The following FMN1 variants were observed in gnomAD, a reference collection of about 807,000 sequenced individuals.
FMN1 encodes formin-1.
A neutral mutation model predicts 132.4 loss-of-function variants in FMN1; 110 were observed. The observed-to-expected ratio is 0.83, with a 90% CI of 0.71 to 0.97. The LOEUF is 0.97. Ranked by LOEUF, FMN1 falls within the 50% of genes least tolerant of loss-of-function variation. The pLI is 0.00. For synonymous variants in FMN1, 722 were observed against 651.7 expected (o/e 1.11, Z -1.64); for missense variants, 1,792 against 1,705.3 (o/e 1.05, Z -0.90).
intron 7 of FMN1, among the ~76,000 whole-genome samples, chr15:33,006,701 T>TA (rs2034436318): frequency 6.6e-6 from 1 of 152,266 alleles, no homozygotes; most frequent in Admixed American, 6.5e-5. Context: ...TGGAATACTC[T>TA]AGTCTTTAAA....
chr15:32,965,480 G>T (rs1167812084), intron 8 of FMN1, among the ~76,000 whole-genome samples: 1 of 152,146 alleles, frequency 6.6e-6, no homozygotes, highest in Non-Finnish European at 1.5e-5. Flanking sequence ...ATAGGTATAT[G>T]TTACAATCCA....
chr15:32,847,213 G>C (rs2058876891), intron 17 of FMN1, among the ~76,000 whole-genome samples: 1 of 152,054 alleles, frequency 6.6e-6, no homozygotes, highest in Non-Finnish European at 1.5e-5. Flanking sequence ...TTAAGGTATA[G>C]TCCCCTGTTC....
At chr15:32,841,047 G>A (rs559072170) in intron 17 of FMN1, among the ~76,000 whole-genome samples, 20 of 152,332 alleles carry the variant, frequency 1.3e-4, no homozygotes, top group South Asian at 6.2e-4. Flanking sequence ...TATCCAGCCA[G>A]TGGTTTTCTT....
At chr15:33,126,719 G>T (rs577886889) in intron 4 of FMN1, among the ~76,000 whole-genome samples, 1 of 152,160 alleles carries the variant, frequency 6.6e-6, no homozygotes, top group East Asian at 1.9e-4. Context: ...AGCAATCTAC[G>T]CTACAGGCAG....
intron 16 of FMN1, among the ~76,000 whole-genome samples, chr15:32,864,302 C>T (rs1396300120): frequency 1.3e-5 from 2 of 152,084 alleles, no homozygotes; most frequent in Admixed American, 6.6e-5. Context: ...CTGGAAATCA[C>T]AGGGTGAGGA....
At chr15:33,108,448 T>C (rs867297924) in intron 4 of FMN1, among the ~76,000 whole-genome samples, 8 of 152,166 alleles carry the variant, frequency 5.3e-5, no homozygotes, top group Non-Finnish European at 8.8e-5. Flanking sequence ...ATTATTTTAC[T>C]CTCCTTGCCC....
At chr15:32,995,419 A>T (rs886192480) in intron 7 of FMN1, among the ~76,000 whole-genome samples, 1 of 152,202 alleles carries the variant, frequency 6.6e-6, no homozygotes, top group African/African-American at 2.4e-5. Flanking sequence ...TTAGGTCCTC[A>T]GTGTAAGCTG....
intron 16 of FMN1, among the ~76,000 whole-genome samples, chr15:32,863,423 G>A (rs796721284): frequency 4.6e-5 from 7 of 152,198 alleles, no homozygotes; most frequent in African/African-American, 1.7e-4. Flanking sequence ...GACAGAGCGA[G>A]ACTCCATCTC....
intron 17 of FMN1, among the ~76,000 whole-genome samples, chr15:32,820,543 C>T (rs371062617): frequency 1.8e-4 from 27 of 152,290 alleles, no homozygotes; most frequent in African/African-American, 6.3e-4. Flanking sequence ...TTATCTTCTA[C>T]AACTCAAGTA....
rs576623451 is a variant in FMN1 at position 32,774,094 on chromosome 15, T to C, written c.*216A>G. On this transcript the variant is annotated 3_prime_UTR_variant, in exon 21 of 21. Coordinates refer to ENST00000616417, the MANE Select transcript of FMN1 (RefSeq NM_001277313.2). ...AAACAGTCATCAAATATTTCTGCAATGTTCCCTTAAATAGTTTTCCATTGT... is the reference window on the plus strand; with the variant it reads ...AAACAGTCATCAAATATTTCTGCAACGTTCCCTTAAATAGTTTTCCATTGT... The C allele has an allele frequency of 1.8e-4, 100 of 548,178 alleles. No individual in the cohort carries two copies. Among genetic ancestry groups the C allele is most frequent in the African/African-American group, 1.7e-3 (85 of 49,942 alleles). 34.0% of individuals were successfully genotyped at this position (548,178 alleles called of 1,614,324 possible).
rs546646994 is a variant in FMN1, at chr15:33,075,861, G to A, written c.2044-10787C>T. Among the ~76,000 whole-genome samples, 5 of 152,196 alleles carry A rather than the reference G, an allele frequency of 3.3e-5. No homozygotes were observed. In the East Asian group the frequency reaches 9.7e-4, roughly 29 times the overall value. ...CCATTTTATTTATTCATTTATTTTT[G>A]GTTTGGGGTCAATTCATTAGACTTC... On this transcript the variant is annotated intron_variant, in intron 5 of 20. Transcript: ENST00000616417.
chr15:32,795,952 T>C (rs900303728), intron 19 of FMN1, among the ~76,000 whole-genome samples: 1 of 152,230 alleles, frequency 6.6e-6, no homozygotes, highest in African/African-American at 2.4e-5. Context: ...TGAAATATTG[T>C]TCCTTCTGCC....
intron 6 of FMN1, among the ~76,000 whole-genome samples, chr15:33,027,512 A>T (rs1233234354): frequency 6.6e-6 from 1 of 152,226 alleles, no homozygotes; most frequent in Admixed American, 6.5e-5. Flanking sequence ...ACACAGGTGG[A>T]AACAGAGCCA....
chr15:33,121,167 C>CT (rs1483446421), intron 4 of FMN1, among the ~76,000 whole-genome samples: 1 of 151,822 alleles, frequency 6.6e-6, no homozygotes, highest in African/African-American at 2.4e-5. Flanking sequence ...GGACTTAGAT[C>CT]AACAACAACA....
intron 7 of FMN1, among the ~76,000 whole-genome samples, chr15:32,976,123 A>G (rs1346739372): frequency 2.0e-5 from 3 of 152,170 alleles, no homozygotes; most frequent in South Asian, 2.1e-4. Context: ...GCCAGGGCCA[A>G]TAAAAAATCA....
chr15:33,017,597 G>A (rs1003276716), intron 6 of FMN1, among the ~76,000 whole-genome samples: 1 of 152,146 alleles, frequency 6.6e-6, no homozygotes, highest in South Asian at 2.1e-4. Flanking sequence ...CAATAACTGG[G>A]AGAAATCCCA....
At chr15:32,875,074 A>C (rs926492280) in intron 16 of FMN1, among the ~76,000 whole-genome samples, 3 of 152,226 alleles carry the variant, frequency 2.0e-5, no homozygotes, top group Non-Finnish European at 2.9e-5. Flanking sequence ...TCACTCAGTA[A>C]TTCCTTGAAA....
rs563480373 is a variant in FMN1 at position 32,891,825 on chromosome 15, AAG to A, written c.3715-3535_3715-3534del. ...ATGTATATATTTGCAGCTATTGTAA[AAG>A]AGGTTGAGTTCTTGATTTGATTCTC... On this transcript the variant is annotated intron_variant, in intron 15 of 20. Transcript: ENST00000616417. Among the ~76,000 whole-genome samples the A allele has an allele frequency of 2.4e-3, 363 of 152,214 alleles. 2 individuals are homozygous for A. Among genetic ancestry groups the A allele is most frequent in the Middle Eastern group, 0.014 (4 of 294 alleles).
intron 2 of FMN1, among the ~76,000 whole-genome samples, chr15:33,190,835 C>A (rs1468962487): frequency 6.6e-6 from 1 of 152,170 alleles, no homozygotes; most frequent in African/African-American, 2.4e-5. Flanking sequence ...CCTGCTACTT[C>A]TCCATTAATG....
Sources: gnomAD v4.1 joint callset for allele counts (sites outside exome capture counted in the v4.1 genomes callset) on GRCh38, gnomAD v4.1.1 for gene constraint, MANE v1.5 for transcripts, NCBI Gene and HGNC (gene_info 2026-07-23, HGNC 2026-07-21) for gene names.